DMD: variants seen among roughly 807,000 people sequenced by gnomAD.
The protein encoded by DMD is dystrophin.
In DMD, 63 loss-of-function variants were observed where a neutral mutation model predicts 330.1. That is an observed-to-expected ratio of 0.19 (90% confidence interval 0.16 to 0.24). DMD has a LOEUF of 0.24. Ranked by LOEUF, DMD falls within the 10% of genes least tolerant of loss-of-function variation. The probability of loss-of-function intolerance (pLI) is 1.00; values close to 1 mark genes in which losing one functional copy is unlikely to be tolerated. For missense variants in DMD, 3,344 were observed against 2,684.1 expected (o/e 1.25, Z -5.43); for synonymous variants, 1,223 against 959.8 (o/e 1.27, Z -5.07).
chrX:31,314,999 ATTAAG>A (rs907308746), intron 62 of DMD, among the ~76,000 whole-genome samples: 2 of 111,117 alleles, frequency 1.8e-5, no homozygotes, highest in African/African-American at 3.3e-5. Context: ...GTTCAGGGTT[ATTAAG>A]TTATTTTAAA....
At chrX:31,555,768 C>G (rs200837222) in intron 55 of DMD, among the ~76,000 whole-genome samples, 1 of 112,137 alleles carries the variant, frequency 8.9e-6, no homozygotes, top group East Asian at 2.8e-4. Flanking sequence ...CAGAGACAGA[C>G]AAGACATATA....
chrX:31,821,138 C>G (rs1297760066), intron 49 of DMD, among the ~76,000 whole-genome samples: 1 of 112,580 alleles, frequency 8.9e-6, no homozygotes, highest in African/African-American at 3.2e-5. Context: ...GCAGAAGACT[C>G]TTAGGTCCTA....
At chrX:32,255,448 A>T (rs1479712152) in intron 43 of DMD, among the ~76,000 whole-genome samples, 1 of 111,578 alleles carries the variant, frequency 9.0e-6, no homozygotes, top group African/African-American at 3.3e-5. Context: ...AAAAAAAAAA[A>T]AAAATGGCAG....
chrX:32,761,025 TTCTC>T (rs199714605), intron 7 of DMD, among the ~76,000 whole-genome samples: 2 of 110,537 alleles, frequency 1.8e-5, no homozygotes, highest in Non-Finnish European at 3.8e-5. Flanking sequence ...CGGGCATTAT[TTCTC>T]TCTCTCTCTC....
At chrX:31,439,886 T>G (rs1457410255) in intron 60 of DMD, among the ~76,000 whole-genome samples, 1 of 111,675 alleles carries the variant, frequency 9.0e-6, no homozygotes, top group Non-Finnish European at 1.9e-5. Flanking sequence ...CTTTAAGAGC[T>G]GATTCACTGA....
chrX:31,293,368 G>A (rs375358451), intron 62 of DMD, among the ~76,000 whole-genome samples: 2 of 110,170 alleles, frequency 1.8e-5, no homozygotes, highest in East Asian at 5.7e-4. Flanking sequence ...TTCTGAATGT[G>A]GGTCATTCTT....
intron 9 of DMD, among the ~76,000 whole-genome samples, chrX:32,649,809 T>A (rs907665760): frequency 5.4e-5 from 6 of 110,923 alleles, no homozygotes; most frequent in Non-Finnish European, 1.1e-4. Context: ...CAGTTTACTA[T>A]CTGTCTGATC....
At chrX:32,977,970 A>G (rs1374230048) in intron 2 of DMD, among the ~76,000 whole-genome samples, 1 of 112,114 alleles carries the variant, frequency 8.9e-6, no homozygotes, top group East Asian at 2.8e-4. Context: ...GCCAAGTAAA[A>G]CTTGAGAGGA....
At chrX:31,559,271 C>A (rs750822488) in intron 55 of DMD, among the ~76,000 whole-genome samples, 1 of 110,864 alleles carries the variant, frequency 9.0e-6, no homozygotes, top group Admixed American at 9.6e-5. Flanking sequence ...CTAGCTATTG[C>A]CTCATTTCTC....
intron 64 of DMD, among the ~76,000 whole-genome samples, chrX:31,220,628 A>C (rs1159976683): frequency 9.0e-6 from 1 of 110,979 alleles, no homozygotes; most frequent in Non-Finnish European, 1.9e-5. Context: ...GGAGCTATCC[A>C]ATCCTCTCCC....
chrX:31,585,123 A>G (rs2076527978), intron 55 of DMD, among the ~76,000 whole-genome samples: 1 of 109,481 alleles, frequency 9.1e-6, no homozygotes, highest in Non-Finnish European at 1.9e-5. Flanking sequence ...GGAGATTGAG[A>G]CCAGCCTAGG....
At chrX:33,238,301 T>C (rs936597288) in intron 1 of DMD, among the ~76,000 whole-genome samples, 8 of 111,950 alleles carry the variant, frequency 7.1e-5, no homozygotes, top group African/African-American at 1.3e-4. Context: ...TGCTCCAGCA[T>C]TGAAGATGTT....
chrX:31,592,908 C>T lies in DMD; in HGVS notation c.8217+34765G>A, dbSNP rs147017478. On this transcript the variant is annotated intron_variant, in intron 55 of 78. Coordinates refer to ENST00000357033, the MANE Select transcript of DMD (RefSeq NM_004006.3). ...TTCATTACAATGCCAAATACATGAT[C>T]GTGGGAGGGATCAAAGAAGTGTGTA... Among the ~76,000 whole-genome samples, 161 of 110,725 alleles carry T rather than the reference C, an allele frequency of 1.5e-3. 1 individual carries two copies. Among genetic ancestry groups the T allele is most frequent in the African/African-American group, 4.9e-3 (149 of 30,608 alleles).
At chrX:32,189,049 A>G (rs979527381) in intron 44 of DMD, among the ~76,000 whole-genome samples, 9 of 111,022 alleles carry the variant, frequency 8.1e-5, no homozygotes, top group Non-Finnish European at 1.5e-4. Context: ...TTGCATTTAT[A>G]GTCATTAATA....
Position 31,197,522 on chromosome X carries a change from T to C in DMD, c.9807+6439A>G, listed in dbSNP as rs761980239. Among the ~76,000 whole-genome samples the C allele has an allele frequency of 3.6e-5, 4 of 112,302 alleles. No individual in the cohort carries two copies. The Admixed American group carries it at 3.8e-4, about 11-fold the overall frequency. On this transcript the variant is annotated intron_variant, in intron 67 of 78. Transcript: ENST00000357033. ...TATCATTCTACATTATTACAACAAC[T>C]GTGCATAGATGGTATTCATTTTTGT... is the stretch of plus-strand genomic sequence containing the variant.
In DMD at chrX:31,743,051, A is replaced by G. The variant is rs149488587; in HGVS notation, c.7543-13303T>C. ...AAATGGGCAAAAGACATAAACAGACACTACTCAAAAGAAGACATACAAGTG... is the reference window on the plus strand; with the variant it reads ...AAATGGGCAAAAGACATAAACAGACGCTACTCAAAAGAAGACATACAAGTG... On this transcript the variant is annotated intron_variant, in intron 51 of 78. Transcript: ENST00000357033. 1.6e-3 allele frequency among the ~76,000 whole-genome samples: 185 copies of G among 112,403 alleles called. 1 individual carries two copies. Among genetic ancestry groups the G allele is most frequent in the African/African-American group, 5.6e-3 (174 of 31,010 alleles).
intron 44 of DMD, among the ~76,000 whole-genome samples, chrX:32,061,269 TGA>T: frequency 9.0e-6 from 1 of 111,003 alleles, no homozygotes; most frequent in Admixed American, 9.7e-5. Context: ...CTTCCTACAC[TGA>T]AAGCATTTTG....
intron 27 of DMD, among the ~76,000 whole-genome samples, chrX:32,443,546 G>A (rs1239519054): frequency 9.0e-6 from 1 of 110,616 alleles, no homozygotes; most frequent in Non-Finnish European, 1.9e-5. Context: ...ACAAGGAGAC[G>A]TGATTGGTAA....
chrX:32,760,067 T>A lies in DMD; in HGVS notation c.649+49426A>T, dbSNP rs186168061. ...AAATGGAAAGTTCCTATTTTGTGTT[T>A]ATATTATACTTTTGACTCTTGTAAT... On this transcript the variant is annotated intron_variant, in intron 7 of 78. Coordinates refer to ENST00000357033, the MANE Select transcript of DMD (RefSeq NM_004006.3). Among the ~76,000 whole-genome samples the A allele has an allele frequency of 6.3e-4, 66 of 105,367 alleles. No individual in the cohort carries two copies. The Admixed American group carries it at 6.5e-3, about 10-fold the overall frequency. 91.5% of individuals were successfully genotyped at this position (105,367 alleles called of 115,157 possible).
Sources: gnomAD v4.1 joint callset for allele counts (sites outside exome capture counted in the v4.1 genomes callset) on GRCh38, gnomAD v4.1.1 for gene constraint, MANE v1.5 for transcripts, NCBI Gene and HGNC (gene_info 2026-07-23, HGNC 2026-07-21) for gene names.